CHAT: variants seen among roughly 807,000 people sequenced by gnomAD.
The protein encoded by CHAT is acetyl CoA:choline O-acetyltransferase.
In CHAT, 61 loss-of-function variants were observed where a neutral mutation model predicts 76.9. That is an observed-to-expected ratio of 0.79 (90% CI 0.65 to 0.98). The LOEUF is 0.98. Ranked by LOEUF, CHAT falls within the 50% of genes least tolerant of loss-of-function variation. The pLI, the probability that CHAT is intolerant of heterozygous loss-of-function variation, is 0.00. For missense variants in CHAT, 946 were observed against 986.9 expected (o/e 0.96, Z 0.56); for synonymous variants, 407 against 397.4 (o/e 1.02, Z -0.29).
rs10580502 is a variant in CHAT, at chr10:49,648,726, T to TACACACACACACACACAC, written c.1382+134_1382+151dup. ...ATGAATTTGAAAAAAATGTGTACTA[T>TACACACACACACACACAC]ACACACACACACACACACACACACA... On this transcript the variant is annotated intron_variant, in intron 9 of 14. Coordinates refer to ENST00000337653, the MANE Select transcript of CHAT (RefSeq NM_020549.5). 513 of 584,088 alleles carry TACACACACACACACACAC rather than the reference T, an allele frequency of 8.8e-4. 2 individuals carry two copies. The African/African-American group carries it at 8.9e-3, about 10-fold the overall frequency. The allele number at this position is 584,088 out of a possible 1,614,324, so 36.2% of individuals were successfully genotyped here.
chr10:49,632,930 G>T (rs911516354), intron 7 of CHAT, among the ~76,000 whole-genome samples: 1 of 152,202 alleles, frequency 6.6e-6, no homozygotes, highest in Non-Finnish European at 1.5e-5. Context: ...GCTCAGACAC[G>T]GTGCAGGAGT....
At chr10:49,638,648 A>G (rs537083878) in intron 7 of CHAT, among the ~76,000 whole-genome samples, 1 of 152,296 alleles carries the variant, frequency 6.6e-6, no homozygotes, top group Admixed American at 6.5e-5. Context: ...TACATAACTT[A>G]TCACAGTTTA....
intron 2 of CHAT, 135 bp from the exon 3 acceptor site, chr10:49,619,590 G>A: frequency 1.2e-6 from 1 of 844,666 alleles, no homozygotes. Context: ...TTGCTGAGCT[G>A]AGCCCTAGAA....
At chr10:49,610,682 C>T, upstream of CHAT, 1 of 1,439,396 alleles carries the variant, frequency 6.9e-7, no homozygotes, top group Non-Finnish European at 9.1e-7. Context: ...CTCTGCACTG[C>T]GGGACGCCAG....
upstream of CHAT, among the ~76,000 whole-genome samples, chr10:49,609,494 G>T (rs544368000): frequency 6.6e-6 from 1 of 152,062 alleles, no homozygotes; most frequent in Non-Finnish European, 1.5e-5. Flanking sequence ...GGCGGAGCTG[G>T]GGGACCAGAC....
chr10:49,662,211 A>G (rs1396241271), intron 13 of CHAT, among the ~76,000 whole-genome samples: 4 of 152,136 alleles, frequency 2.6e-5, no homozygotes, highest in African/African-American at 4.8e-5. Context: ...GCCCTTCACA[A>G]TGCTTGCACA....
intron 4 of CHAT, 119 bp from the exon 5 acceptor site, chr10:49,621,978 G>A (rs1425417083): frequency 9.1e-7 from 1 of 1,102,050 alleles, no homozygotes; most frequent in Non-Finnish European, 1.4e-6. Context: ...GAGGGAGAAG[G>A]GAGGGAAGAG....
At chr10:49,648,475 C>T in intron 8 of CHAT, 32 bp from the exon 9 acceptor site, 2 of 1,577,902 alleles carry the variant, frequency 1.3e-6, no homozygotes, top group Non-Finnish European at 1.7e-6. Flanking sequence ...CTGACTCTCC[C>T]ATGATCGCCC....
intron 2 of CHAT, among the ~76,000 whole-genome samples, chr10:49,617,293 A>C (rs1838533456): frequency 6.6e-6 from 1 of 151,462 alleles, no homozygotes; most frequent in African/African-American, 2.4e-5. Flanking sequence ...ACAAACATCT[A>C]TTGTCACCTC....
chr10:49,653,735 G>T (rs1364857083), intron 11 of CHAT, among the ~76,000 whole-genome samples: 3 of 152,232 alleles, frequency 2.0e-5, no homozygotes, highest in Non-Finnish European at 4.4e-5. Flanking sequence ...GGTGGTCAGT[G>T]CCTTCTGATA....
At chr10:49,636,712 G>C (rs1839304416) in intron 7 of CHAT, among the ~76,000 whole-genome samples, 2 of 152,118 alleles carry the variant, frequency 1.3e-5, no homozygotes, top group Admixed American at 6.5e-5. Flanking sequence ...TTTATGCCTA[G>C]TGTTCCATTA....
rs1838670411 is a variant in CHAT at position 49,620,596 on chromosome 10, C to T, written c.681C>T (p.Gly227=). The change falls in exon 4 of 15, where the codon GGC becomes GGT. Residue 227 remains glycine, a synonymous_variant. Transcript: ENST00000337653. Reference sequence around the variant, plus strand: ...TCTTTGCTCGGCAGCACTTCCCTGGCACCGATGACCAGCTGAGGTGAGGCC... The same window carrying T: ...TCTTTGCTCGGCAGCACTTCCCTGGTACCGATGACCAGCTGAGGTGAGGCC... The part of the protein sequence containing the change: ...AVIFARQHFP[G]TDDQLRFAAS... 1 of 1,613,040 alleles carries T rather than the reference C, an allele frequency of 6.2e-7. No individual in the cohort carries two copies. The highest frequency in any genetic ancestry group is 2.2e-5 in the East Asian group (1 of 44,786).
At chr10:49,643,640 C>G (rs560135908) in intron 7 of CHAT, among the ~76,000 whole-genome samples, 2 of 152,314 alleles carry the variant, frequency 1.3e-5, no homozygotes, top group South Asian at 4.1e-4. Context: ...TCACCCTACC[C>G]CCACTCCCCC....
At chr10:49,628,738 A>G (rs2132738919) in intron 7 of CHAT, among the ~76,000 whole-genome samples, 1 of 152,342 alleles carries the variant, frequency 6.6e-6, no homozygotes, top group East Asian at 1.9e-4. Flanking sequence ...GTGGGAATGG[A>G]ACAAAGCCCC....
intron 5 of CHAT, among the ~76,000 whole-genome samples, chr10:49,625,183 G>A (rs750372972): frequency 6.6e-5 from 10 of 152,160 alleles, no homozygotes; most frequent in South Asian, 4.1e-4. Flanking sequence ...AAGGCACGCC[G>A]AGAGAAGATC....
rs1839881695 is a variant in CHAT at position 49,651,628 on chromosome 10, T to A, written c.1512-256T>A. On this transcript the variant is annotated intron_variant, in intron 10 of 14. Coordinates refer to ENST00000337653, the MANE Select transcript of CHAT (RefSeq NM_020549.5). Reference sequence around the variant, plus strand: ...CAGCCAGGCCCACCTCCCCACCCACTCTCCAGAGCAGGGCCGACACCCCAC... The same window carrying A: ...CAGCCAGGCCCACCTCCCCACCCACACTCCAGAGCAGGGCCGACACCCCAC... 1.9e-5 allele frequency: 9 copies of A among 474,190 alleles called. 1 individual carries two copies. In the South Asian group the frequency reaches 2.0e-4, roughly 10 times the overall value. 29.4% of individuals were successfully genotyped at this position (474,190 alleles called of 1,614,324 possible).
chr10:49,611,775 C>G (rs138830933), upstream of CHAT: 439 of 1,603,166 alleles, frequency 2.7e-4, 1 homozygote, highest in Non-Finnish European at 3.4e-4. Context: ...TCTACCTCAC[C>G]GTGCGCCTGG....
At chr10:49,628,793 AG>A (rs766064671) in intron 7 of CHAT, among the ~76,000 whole-genome samples, 7 of 152,268 alleles carry the variant, frequency 4.6e-5, no homozygotes, top group Non-Finnish European at 8.8e-5. Context: ...GTACCCAGGC[AG>A]GCAGACCAAC....
chr10:49,655,248 C>T lies in CHAT; in HGVS notation c.1776+12C>T, dbSNP rs1227698998. 6.2e-6 allele frequency: 10 copies of T among 1,613,892 alleles called. No homozygotes were observed. The highest frequency in any genetic ancestry group is 8.5e-6 in the Non-Finnish European group (10 of 1,180,042). Reference sequence around the variant, plus strand: ...AGGCTGCTGTGCCAGTAAGTCCCGCCCCACCCCACGGCCACAGGAAACCAG... The same window carrying T: ...AGGCTGCTGTGCCAGTAAGTCCCGCTCCACCCCACGGCCACAGGAAACCAG... On this transcript the variant is annotated intron_variant, in intron 12 of 14. Transcript: ENST00000337653.
Sources: allele counts gnomAD v4.1 joint callset (sites outside exome capture counted in the v4.1 genomes callset), GRCh38; gene constraint gnomAD v4.1.1; transcripts MANE v1.5; gene names NCBI Gene and HGNC (gene_info 2026-07-23, HGNC 2026-07-21).